The following RALGPS1 variants were observed in gnomAD, a reference collection of about 807,000 sequenced individuals.
The protein encoded by RALGPS1 is Ral GEF with PH domain and SH3 binding motif 1.
RALGPS1 carries 19 observed loss-of-function variants against 78.8 expected under a neutral mutation model. The observed-to-expected ratio is 0.24, with a 90% CI of 0.17 to 0.35. The LOEUF (loss-of-function observed/expected upper bound fraction) is 0.35, where lower values mean the gene tolerates loss of function less well. Ranked by LOEUF, RALGPS1 falls within the 10% of genes least tolerant of loss-of-function variation. The pLI, the probability that RALGPS1 is intolerant of heterozygous loss-of-function variation, is 1.00. For missense variants in RALGPS1, 454 were observed against 688.3 expected, an observed-to-expected ratio of 0.66 and a Z score of 3.81; for synonymous variants, 228 against 256.3, an observed-to-expected ratio of 0.89 and a Z score of 1.06.
chr9:126,937,440 G>A (rs1234392577), intron 1 of RALGPS1, among the ~76,000 whole-genome samples: 1 of 152,120 alleles, frequency 6.6e-6, no homozygotes, highest in Non-Finnish European at 1.5e-5. Flanking sequence ...TTTGACTATT[G>A]GAGATCAGAA....
chr9:126,979,357 G>A (rs1054018390), intron 4 of RALGPS1, among the ~76,000 whole-genome samples: 1 of 151,790 alleles, frequency 6.6e-6, no homozygotes, highest in East Asian at 1.9e-4. Context: ...TTCTTTTTCT[G>A]TTTTGTTCTA....
intron 8 of RALGPS1, chr9:127,107,959 A>G (rs1345495405): frequency 6.4e-7 from 1 of 1,560,452 alleles, no homozygotes; most frequent in Admixed American, 1.8e-5. Context: ...GAGAGTGGGC[A>G]TAGTGGGCAG....
At chr9:127,159,281 A>G (rs2058880328) in intron 8 of RALGPS1, among the ~76,000 whole-genome samples, 1 of 152,194 alleles carries the variant, frequency 6.6e-6, no homozygotes, top group Admixed American at 6.5e-5. Flanking sequence ...ATTACCAGGC[A>G]ATCCCCAGGG....
chr9:127,039,038 T>C (rs1250269137), intron 5 of RALGPS1, among the ~76,000 whole-genome samples: 1 of 152,140 alleles, frequency 6.6e-6, no homozygotes, highest in East Asian at 1.9e-4. Flanking sequence ...GGATGAAGTA[T>C]GCAGGAGGTC....
chr9:127,069,166 A>G (rs980437204), intron 7 of RALGPS1, 64 bp from the exon 8 acceptor site: 1 of 1,435,942 alleles, frequency 7.0e-7, no homozygotes, highest in Admixed American at 1.9e-5. Context: ...GTCTTCATCC[A>G]CAGTTATCCA....
Position 127,174,801 on chromosome 9 carries a change from G to A in RALGPS1, c.910+19G>A. On this transcript the variant is annotated intron_variant, in intron 11 of 18. Coordinates refer to ENST00000259351, the MANE Select transcript of RALGPS1 (RefSeq NM_014636.3). ...CTTGCAGGTATCGTAGCTACCTCGAGTGGGAGCAAACCCACTTAATAGCCT... is the reference window on the plus strand; with the variant it reads ...CTTGCAGGTATCGTAGCTACCTCGAATGGGAGCAAACCCACTTAATAGCCT... The A allele has an allele frequency of 6.2e-7, 1 of 1,611,638 alleles. No individual in the cohort carries two copies. Among genetic ancestry groups the A allele is most frequent in the Non-Finnish European group, 8.5e-7 (1 of 1,178,050 alleles).
At chr9:127,166,726 T>C (rs1005352390) in intron 9 of RALGPS1, among the ~76,000 whole-genome samples, 18 of 151,998 alleles carry the variant, frequency 1.2e-4, no homozygotes, top group African/African-American at 4.4e-4. Context: ...GGCTAGGAGA[T>C]ATAATCTAGC....
chr9:127,104,027 G>A (rs925811751), intron 8 of RALGPS1, among the ~76,000 whole-genome samples: 22 of 152,252 alleles, frequency 1.4e-4, no homozygotes, highest in Non-Finnish European at 2.9e-4. Flanking sequence ...TCCCAGGGTC[G>A]ATCTCTGCTC....
intron 8 of RALGPS1, among the ~76,000 whole-genome samples, chr9:127,141,698 G>C (rs899527485): frequency 2.7e-5 from 4 of 150,222 alleles, no homozygotes; most frequent in Non-Finnish European, 5.9e-5. Context: ...AACACCTACA[G>C]TGTAAGCAGG....
intron 8 of RALGPS1, among the ~76,000 whole-genome samples, chr9:127,158,918 G>A (rs1482418679): frequency 6.6e-6 from 1 of 151,758 alleles, no homozygotes; most frequent in East Asian, 1.9e-4. Context: ...GGACAGAGAA[G>A]GGGGTGGAAT....
intron 1 of RALGPS1, among the ~76,000 whole-genome samples, chr9:126,943,928 A>C (rs1042856615): frequency 1.3e-5 from 2 of 152,224 alleles, no homozygotes; most frequent in Non-Finnish European, 2.9e-5. Context: ...CCTTGCCTCA[A>C]GGTTTCTGAG....
At position 126,998,290 on chromosome 9, in the gene RALGPS1, C is replaced by G. The variant is rs1588925436; in HGVS notation, c.216+20545C>G. ...TACTCATCTGACAAAGGGCTAATAC[C>G]TAGAATCTACAATGGACTCAAATTT... On this transcript the variant is annotated intron_variant, in intron 4 of 18. Coordinates refer to ENST00000259351, the MANE Select transcript of RALGPS1 (RefSeq NM_014636.3). 2.6e-5 allele frequency among the ~76,000 whole-genome samples: 4 copies of G among 152,244 alleles called. 1 individual carries two copies. The highest frequency in any genetic ancestry group is 9.6e-5 in the African/African-American group (4 of 41,538).
intron 8 of RALGPS1, chr9:127,108,850 C>T (rs1245577206): frequency 8.8e-7 from 1 of 1,130,802 alleles, no homozygotes; most frequent in Non-Finnish European, 1.2e-6. Context: ...ATCAGTGATC[C>T]CAGCCTTCTC....
At chr9:127,093,031 G>T (rs149098738) in intron 8 of RALGPS1, among the ~76,000 whole-genome samples, 1 of 152,180 alleles carries the variant, frequency 6.6e-6, no homozygotes, top group East Asian at 1.9e-4. Context: ...GTCCATAACA[G>T]AACCTCCCTC....
intron 8 of RALGPS1, chr9:127,088,315 A>G (rs868011382): frequency 1.3e-5 from 2 of 152,252 alleles, no homozygotes; most frequent in Admixed American, 6.5e-5. Flanking sequence ...GGGAACCTCT[A>G]TGTGAGAGAT....
chr9:127,103,242 C>G (rs2053906896), intron 8 of RALGPS1, among the ~76,000 whole-genome samples: 1 of 152,216 alleles, frequency 6.6e-6, no homozygotes, highest in Non-Finnish European at 1.5e-5. Context: ...GAATAAAATA[C>G]AGGTGGAAAA....
intron 2 of RALGPS1, 31 bp downstream of exon 2, chr9:126,962,377 G>T (rs748492028): frequency 6.2e-7 from 1 of 1,611,300 alleles, no homozygotes; most frequent in Admixed American, 1.7e-5. Flanking sequence ...GGGACAGTGG[G>T]TAGAGGGGTC....
intron 1 of RALGPS1, among the ~76,000 whole-genome samples, chr9:126,941,374 G>A (rs188138994): frequency 3.6e-4 from 55 of 152,258 alleles, no homozygotes; most frequent in African/African-American, 1.3e-3. Context: ...CATTTACCCT[G>A]ATGTGATTAT....
chr9:127,057,560 A>G (rs2135527164), intron 7 of RALGPS1, among the ~76,000 whole-genome samples: 1 of 152,366 alleles, frequency 6.6e-6, no homozygotes, highest in East Asian at 1.9e-4. Context: ...CCATCTGCAT[A>G]CACAAACAGG....
Sources: allele counts gnomAD v4.1 joint callset (sites outside exome capture counted in the v4.1 genomes callset), GRCh38; gene constraint gnomAD v4.1.1; transcripts MANE v1.5; gene names NCBI Gene and HGNC (gene_info 2026-07-23, HGNC 2026-07-21).